The following CCDC148 variants were observed in gnomAD, a reference collection of about 807,000 sequenced individuals.
The protein encoded by CCDC148 is coiled-coil domain containing 148.
Under a neutral mutation model 85.7 loss-of-function variants are expected in CCDC148, and 89 were observed. The observed-to-expected ratio is 1.04, with a 90% confidence interval of 0.87 to 1.24. The LOEUF (loss-of-function observed/expected upper bound fraction) is 1.24, where lower values mean the gene tolerates loss of function less well. Ranked by LOEUF, CCDC148 falls within the 50% of genes most tolerant of loss-of-function variation. The probability of loss-of-function intolerance (pLI) is 0.00; values close to 1 mark genes in which losing one functional copy is unlikely to be tolerated. For missense variants in CCDC148, 692 were observed against 671.7 expected, an observed-to-expected ratio of 1.03 and a Z score of -0.33; for synonymous variants, 230 against 213.9, an observed-to-expected ratio of 1.08 and a Z score of -0.66.
chr2:158,279,056 G>A (rs1295958158), intron 9 of CCDC148, among the ~76,000 whole-genome samples: 1 of 152,210 alleles, frequency 6.6e-6, no homozygotes, highest in Non-Finnish European at 1.5e-5. Flanking sequence ...TAACAGACCT[G>A]CACCTGAGGG....
At chr2:158,418,654 C>T (rs1389533053) in intron 1 of CCDC148, among the ~76,000 whole-genome samples, 1 of 82,448 alleles carries the variant, frequency 1.2e-5, no homozygotes, top group Non-Finnish European at 3.2e-5. Flanking sequence ...ATCCCCAATC[C>T]CCAACTGTTT....
chr2:158,312,423 A>T (rs1692066698), intron 8 of CCDC148, among the ~76,000 whole-genome samples: 1 of 152,022 alleles, frequency 6.6e-6, no homozygotes, highest in Non-Finnish European at 1.5e-5. Flanking sequence ...CTCTACTGAA[A>T]ATACAAAAAT....
At chr2:158,198,890 T>C (rs1482384259) in intron 11 of CCDC148, among the ~76,000 whole-genome samples, 3 of 152,184 alleles carry the variant, frequency 2.0e-5, no homozygotes, top group African/African-American at 4.8e-5. Context: ...ACTTCTGTTA[T>C]GATGAGGGAA....
At chr2:158,260,450 A>G (rs988928692) in intron 9 of CCDC148, among the ~76,000 whole-genome samples, 2 of 152,076 alleles carry the variant, frequency 1.3e-5, no homozygotes, top group African/African-American at 4.8e-5. Context: ...GAAAACCGGC[A>G]CAAGACAGGG....
At chr2:158,443,886 A>G (rs556910134) in intron 1 of CCDC148, among the ~76,000 whole-genome samples, 1 of 152,320 alleles carries the variant, frequency 6.6e-6, no homozygotes, top group South Asian at 2.1e-4. Context: ...TCTTCCACCA[A>G]CTATATTAAA....
rs1574338956 is a variant in CCDC148, at chr2:158,176,758, T to G, written c.1489-97A>C. 2.2e-6 allele frequency: 3 copies of G among 1,393,286 alleles called. No individual in the cohort carries two copies. The East Asian group carries it at 7.3e-5, about 34-fold the overall frequency. The allele number at this position is 1,393,286 out of a possible 1,614,324, so 86.3% of individuals were successfully genotyped here. A position where few individuals can be genotyped will look rare whatever the true frequency, so the allele number is the denominator to read the frequency against. On this transcript the variant is annotated intron_variant, in intron 12 of 13. Coordinates refer to ENST00000283233, the MANE Select transcript of CCDC148 (RefSeq NM_138803.4). ...CTAATGCCCATTAAAGTTAAGAAAT[T>G]TTATTAAAGGTAAAGCCTGAGAGGA...
intron 1 of CCDC148, among the ~76,000 whole-genome samples, chr2:158,388,332 G>C (rs559885510): frequency 1.8e-4 from 28 of 152,170 alleles, no homozygotes; most frequent in Non-Finnish European, 4.0e-4. Context: ...AATGACAAGG[G>C]CAGGGAACAG....
intron 7 of CCDC148, among the ~76,000 whole-genome samples, chr2:158,329,911 G>A (rs1319766713): frequency 6.6e-6 from 1 of 152,196 alleles, no homozygotes; most frequent in South Asian, 2.1e-4. Context: ...ATTTTGGGCT[G>A]AGACAATGGG....
In CCDC148 at chr2:158,336,125, G is replaced by T. The variant is rs553151942; in HGVS notation, c.764+2601C>A. On this transcript the variant is annotated intron_variant, in intron 7 of 13. Coordinates refer to ENST00000283233, the MANE Select transcript of CCDC148 (RefSeq NM_138803.4). ...ACAATCTATGTGAGCCCAATAACTAGAACAAAGAGGGGAGAAGGCCATATC... is the reference window on the plus strand; with the variant it reads ...ACAATCTATGTGAGCCCAATAACTATAACAAAGAGGGGAGAAGGCCATATC... Among the ~76,000 whole-genome samples the T allele has an allele frequency of 3.3e-5, 5 of 152,138 alleles. No individual in the cohort carries two copies. In the South Asian group the frequency reaches 1.0e-3, roughly 32 times the overall value.
At chr2:158,331,820 G>T (rs984107484) in intron 7 of CCDC148, among the ~76,000 whole-genome samples, 5 of 152,070 alleles carry the variant, frequency 3.3e-5, no homozygotes, top group African/African-American at 4.8e-5. Context: ...CAGAGACTAG[G>T]ATTGCAACAC....
intron 1 of CCDC148, among the ~76,000 whole-genome samples, chr2:158,421,423 G>A (rs933750717): frequency 6.6e-6 from 1 of 152,130 alleles, no homozygotes; most frequent in Non-Finnish European, 1.5e-5. Context: ...TAGAACTCAG[G>A]ATTCAGAAAC....
intron 1 of CCDC148, among the ~76,000 whole-genome samples, chr2:158,452,719 C>A (rs1398644070): frequency 6.6e-6 from 1 of 152,214 alleles, no homozygotes; most frequent in Non-Finnish European, 1.5e-5. Context: ...GGTCTCCCCA[C>A]AGGGGCTGAT....
At chr2:158,250,002 T>C (rs1688724093) in intron 10 of CCDC148, among the ~76,000 whole-genome samples, 1 of 152,130 alleles carries the variant, frequency 6.6e-6, no homozygotes, top group South Asian at 2.1e-4. Flanking sequence ...TGACTTTTTG[T>C]GAATTATTTC....
intron 1 of CCDC148, among the ~76,000 whole-genome samples, chr2:158,417,022 G>A (rs1487558207): frequency 6.6e-6 from 1 of 152,106 alleles, no homozygotes; most frequent in Non-Finnish European, 1.5e-5. Flanking sequence ...GAGAGCAAAG[G>A]GAGAGGTGCT....
At chr2:158,409,835 G>A (rs1216142969) in intron 1 of CCDC148, among the ~76,000 whole-genome samples, 2 of 152,174 alleles carry the variant, frequency 1.3e-5, no homozygotes, top group African/African-American at 4.8e-5. Flanking sequence ...ATGTATTGTG[G>A]GAGGGACCCG....
intron 7 of CCDC148, among the ~76,000 whole-genome samples, chr2:158,329,486 G>C (rs7604145): frequency 9.9e-5 from 15 of 151,658 alleles, no homozygotes; most frequent in African/African-American, 3.4e-4. Flanking sequence ...TTGACTTGGC[G>C]ATGTGGGCTC....
chr2:158,200,732 T>C (rs1685913457), intron 11 of CCDC148, among the ~76,000 whole-genome samples: 1 of 152,182 alleles, frequency 6.6e-6, no homozygotes. Flanking sequence ...AAGGTAGCGA[T>C]AGTCAGCTCT....
chr2:158,314,932 T>A (rs1202404375), intron 7 of CCDC148, among the ~76,000 whole-genome samples: 1 of 152,192 alleles, frequency 6.6e-6, no homozygotes, highest in Non-Finnish European at 1.5e-5. Context: ...AAACACCTCT[T>A]AAATCAGTGA....
At chr2:158,420,884 G>C (rs1355942967) in intron 1 of CCDC148, among the ~76,000 whole-genome samples, 2 of 151,856 alleles carry the variant, frequency 1.3e-5, no homozygotes, top group African/African-American at 2.4e-5. Flanking sequence ...TAAAGGGATG[G>C]AGGAAGATCT....
Sources: allele counts gnomAD v4.1 joint callset (sites outside exome capture counted in the v4.1 genomes callset), GRCh38; gene constraint gnomAD v4.1.1; transcripts MANE v1.5; gene names NCBI Gene and HGNC (gene_info 2026-07-23, HGNC 2026-07-21).